The following SH3RF3 variants were observed in gnomAD, a reference collection of about 807,000 sequenced individuals.
SH3RF3 encodes SH3 domain containing ring finger 3, also known as E3 ubiquitin-protein ligase SH3RF3.
In SH3RF3, 29 loss-of-function variants were observed where a neutral mutation model predicts 66.3. That is an observed-to-expected ratio of 0.44 (90% confidence interval 0.33 to 0.60). The LOEUF (loss-of-function observed/expected upper bound fraction) is 0.60, where lower values mean the gene tolerates loss of function less well. SH3RF3 is among the 20% of genes least tolerant of loss of function. The pLI is 0.04. For synonymous variants in SH3RF3, 583 were observed against 532.0 expected (o/e 1.10, Z -1.32); for missense variants, 1,194 against 1,190.9 (o/e 1.00, Z -0.04).
intron 8 of SH3RF3, among the ~76,000 whole-genome samples, chr2:109,487,128 G>A (rs1220126393): frequency 6.6e-6 from 1 of 152,154 alleles, no homozygotes; most frequent in Admixed American, 6.5e-5. Flanking sequence ...CTGGGCTCCT[G>A]AACATTGCTT....
intron 1 of SH3RF3, among the ~76,000 whole-genome samples, chr2:109,335,547 C>T (rs561435491): frequency 1.3e-5 from 2 of 152,320 alleles, no homozygotes; most frequent in Admixed American, 6.5e-5. Flanking sequence ...TCACCCTATC[C>T]CCATCCCAGT....
Position 109,398,629 on chromosome 2 carries a change from C to T in SH3RF3, c.985C>T (p.Pro329Ser), listed in dbSNP as rs1381031181. The change falls in exon 4 of 10, where the codon CCA becomes TCA. Residue 329 changes from proline (P) to serine (S), a missense_variant. Physicochemically the swap from Pro to Ser is moderately conservative, Grantham distance 74. Transcript: ENST00000309415. The part of the protein sequence containing the change: ...SAKQLIEMDK[P>S]CPAAASSCNA... ...CAAGCAGCTCATTGAGATGGACAAGCCATGCCCAGCCGCTGCATCCAGCTG... is the reference window on the plus strand; with the variant it reads ...CAAGCAGCTCATTGAGATGGACAAGTCATGCCCAGCCGCTGCATCCAGCTG... 7.5e-6 allele frequency: 12 copies of T among 1,593,416 alleles called. No individual in the cohort carries two copies. Among genetic ancestry groups the T allele is most frequent in the Non-Finnish European group, 1.0e-5 (12 of 1,171,312 alleles).
intron 1 of SH3RF3, among the ~76,000 whole-genome samples, chr2:109,307,436 A>AT (rs1681623582): frequency 1.3e-5 from 1 of 75,588 alleles, no homozygotes. Flanking sequence ...TTTTTTTATT[A>AT]TTATACTTTA....
intron 1 of SH3RF3, among the ~76,000 whole-genome samples, chr2:109,156,290 C>T (rs941045450): frequency 6.6e-6 from 1 of 152,246 alleles, no homozygotes; most frequent in Non-Finnish European, 1.5e-5. Context: ...GCTATCTCAT[C>T]TTCAGTGTTT....
chr2:109,153,736 G>C (rs964467203), intron 1 of SH3RF3, among the ~76,000 whole-genome samples: 1 of 152,188 alleles, frequency 6.6e-6, no homozygotes, highest in African/African-American at 2.4e-5. Context: ...GTTTTGTGCT[G>C]AGCTGGGTTC....
At chr2:109,149,469 TG>T (rs1677182892) in intron 1 of SH3RF3, among the ~76,000 whole-genome samples, 1 of 152,228 alleles carries the variant, frequency 6.6e-6, no homozygotes, top group Non-Finnish European at 1.5e-5. Flanking sequence ...CAGCATTTCA[TG>T]GACCTCAGAT....
At chr2:109,286,876 T>C (rs1681041014) in intron 1 of SH3RF3, among the ~76,000 whole-genome samples, 1 of 152,160 alleles carries the variant, frequency 6.6e-6, no homozygotes, top group African/African-American at 2.4e-5. Context: ...CGTTGACCGG[T>C]CTGTCCCCAG....
intron 1 of SH3RF3, chr2:109,313,599 T>C (rs1681788206): frequency 6.5e-6 from 1 of 154,964 alleles, no homozygotes; most frequent in African/African-American, 2.4e-5. Context: ...CCTCCTAGCC[T>C]TGAGTAGGGG....
chr2:109,459,942 T>G lies in SH3RF3; in HGVS notation c.2148+10453T>G, dbSNP rs187035679. ...ATAGCACCATATATTTGATGCTGAT[T>G]CAGAGCATACCCAGCCTTCTGGAGA... On this transcript the variant is annotated intron_variant, in intron 8 of 9. Coordinates refer to ENST00000309415, the MANE Select transcript of SH3RF3 (RefSeq NM_001099289.3). Among the ~76,000 whole-genome samples the G allele has an allele frequency of 2.5e-3, 381 of 152,302 alleles. 2 individuals carry two copies. The highest frequency in any genetic ancestry group is 3.3e-3 in the Non-Finnish European group (225 of 68,028).
intron 1 of SH3RF3, among the ~76,000 whole-genome samples, chr2:109,150,527 C>T (rs546006144): frequency 1.3e-5 from 2 of 152,082 alleles, no homozygotes; most frequent in African/African-American, 2.4e-5. Context: ...TCTGTTTAAC[C>T]ACACAGTGGG....
At chr2:109,218,905 C>T (rs1054786689) in intron 1 of SH3RF3, among the ~76,000 whole-genome samples, 4 of 152,182 alleles carry the variant, frequency 2.6e-5, no homozygotes, top group African/African-American at 9.7e-5. Flanking sequence ...AAGACAAGAA[C>T]CAGGTGAGAG....
chr2:109,376,478 A>G (rs182001506), intron 3 of SH3RF3, among the ~76,000 whole-genome samples: 166 of 152,330 alleles, frequency 1.1e-3, no homozygotes, highest in Non-Finnish European at 1.9e-3. Context: ...CAAATACGCC[A>G]GTGATTCTCG....
At chr2:109,414,395 A>G (rs1256147907) in intron 4 of SH3RF3, among the ~76,000 whole-genome samples, 4 of 152,074 alleles carry the variant, frequency 2.6e-5, no homozygotes, top group African/African-American at 7.2e-5. Flanking sequence ...CTTGGGAGCT[A>G]TTGATTCAGG....
In SH3RF3 at chr2:109,415,929, A is replaced by G. The variant is rs536755842; in HGVS notation, c.1300-3610A>G. On this transcript the variant is annotated intron_variant, in intron 4 of 9. Transcript: ENST00000309415. ...CAAGGGCAAGGCTGAATAATCACTC[A>G]TGGATTCCTGGATTCATGGGAGCAG... Among the ~76,000 whole-genome samples, 122 of 152,208 alleles carry G rather than the reference A, an allele frequency of 8.0e-4. 1 individual carries two copies. Among genetic ancestry groups the G allele is most frequent in the South Asian group, 3.7e-3 (18 of 4,812 alleles).
At chr2:109,363,932 G>C (rs1167015278) in intron 2 of SH3RF3, among the ~76,000 whole-genome samples, 1 of 152,070 alleles carries the variant, frequency 6.6e-6, no homozygotes, top group Non-Finnish European at 1.5e-5. Flanking sequence ...GCTATACCAA[G>C]GTGTCATTTT....
At chr2:109,227,778 C>T (rs1192687405) in intron 1 of SH3RF3, among the ~76,000 whole-genome samples, 1 of 152,190 alleles carries the variant, frequency 6.6e-6, no homozygotes, top group South Asian at 2.1e-4. Context: ...GGGTAGGTCA[C>T]CCCCCAGCCA....
rs1574564134 is a variant in SH3RF3 at position 109,308,178 on chromosome 2, G to C, written c.574-39496G>C. Among the ~76,000 whole-genome samples the C allele has an allele frequency of 3.7e-5, 5 of 136,866 alleles. No individual in the cohort carries two copies. In the South Asian group the frequency reaches 1.1e-3, roughly 31 times the overall value. 89.8% of individuals were successfully genotyped at this position (136,866 alleles called of 152,430 possible). Reference sequence around the variant, plus strand: ...TTGCATTTCCCTGATGGCCAGTGATGATGAGCATTTTTTCATGTGTTTTTT... The same window carrying C: ...TTGCATTTCCCTGATGGCCAGTGATCATGAGCATTTTTTCATGTGTTTTTT... On this transcript the variant is annotated intron_variant, in intron 1 of 9. Transcript: ENST00000309415.
intron 1 of SH3RF3, among the ~76,000 whole-genome samples, chr2:109,298,106 G>A (rs1171662380): frequency 1.3e-5 from 2 of 152,292 alleles, no homozygotes; most frequent in East Asian, 3.9e-4. Flanking sequence ...TGCTTCTCAG[G>A]GGGATGCAGA....
chr2:109,407,154 C>T (rs1676471954), intron 4 of SH3RF3, among the ~76,000 whole-genome samples: 1 of 151,254 alleles, frequency 6.6e-6, no homozygotes, highest in Admixed American at 6.6e-5. Context: ...GCTGACTCGC[C>T]GTCCAGCCAG....
Sources: gnomAD v4.1 joint callset for allele counts (sites outside exome capture counted in the v4.1 genomes callset) on GRCh38, gnomAD v4.1.1 for gene constraint, MANE v1.5 for transcripts, NCBI Gene and HGNC (gene_info 2026-07-23, HGNC 2026-07-21) for gene names.